TTC7A: variants seen among roughly 807,000 people sequenced by gnomAD.
The protein encoded by TTC7A is tetratricopeptide repeat protein 7A.
A neutral mutation model predicts 103.7 loss-of-function variants in TTC7A; 110 were observed. The ratio of observed to expected loss-of-function variants is 1.06; its 90% confidence interval spans 0.91 to 1.24. The LOEUF is 1.24. TTC7A is among the 50% of genes most tolerant of loss of function. TTC7A has a pLI of 0.00. For missense variants in TTC7A, 1,340 were observed against 1,116.3 expected (o/e 1.20, Z -2.86); for synonymous variants, 521 against 467.9 (o/e 1.11, Z -1.47).
rs10587096 is a variant in TTC7A at position 47,042,675 on chromosome 2, A to AGTGTGT, written c.1803-3617_1803-3612dup. ...TTAGGGTGGTGTGTCCTGAGCCCCAAGTGTGTGTGTGTGTGTGTGTGTGTG... is the reference window on the plus strand; with the variant it reads ...TTAGGGTGGTGTGTCCTGAGCCCCAAGTGTGTGTGTGTGTGTGTGTGTGTGTGTGTG... On this transcript the variant is annotated intron_variant, in intron 15 of 19. Coordinates refer to ENST00000319190, the MANE Select transcript of TTC7A (RefSeq NM_020458.4). 8.3e-4 allele frequency among the ~76,000 whole-genome samples: 123 copies of AGTGTGT among 148,482 alleles called. 1 individual carries two copies. The highest frequency in any genetic ancestry group is 2.9e-3 in the African/African-American group (116 of 40,148).
chr2:46,995,305 C>T (rs1215918853), intron 8 of TTC7A, 106 bp downstream of exon 8: 37 of 1,081,030 alleles, frequency 3.4e-5, no homozygotes, highest in Admixed American at 5.9e-5. Context: ...ACTCTGTCTC[C>T]CAGGGATACT....
At chr2:47,019,374 TA>T (rs1042935150) in intron 11 of TTC7A, among the ~76,000 whole-genome samples, 19 of 150,118 alleles carry the variant, frequency 1.3e-4, no homozygotes, top group South Asian at 2.1e-4. Flanking sequence ...TTTCTATTTT[TA>T]AAAAAAAAAA....
intron 15 of TTC7A, among the ~76,000 whole-genome samples, chr2:47,035,039 G>A (rs1680958227): frequency 6.6e-6 from 1 of 152,240 alleles, no homozygotes; most frequent in Non-Finnish European, 1.5e-5. Flanking sequence ...GCTAACGTTG[G>A]AGCTCAAGGG....
intron 3 of TTC7A, among the ~76,000 whole-genome samples, chr2:46,958,021 G>A (rs72806525): frequency 0.057 from 8,633 of 152,244 alleles, 263 homozygotes; most frequent in Non-Finnish European, 0.072. Flanking sequence ...GGTGGAGCCA[G>A]GATGAGAACC....
intron 8 of TTC7A, chr2:47,000,002 C>A: frequency 1.3e-6 from 1 of 747,268 alleles, no homozygotes; most frequent in Non-Finnish European, 1.6e-6. Flanking sequence ...ATCTGTGTGG[C>A]CTGGTTGAGC....
intron 15 of TTC7A, among the ~76,000 whole-genome samples, 176 bp downstream of exon 15, chr2:47,029,560 G>C (rs951897317): frequency 5.9e-5 from 9 of 152,218 alleles, no homozygotes; most frequent in African/African-American, 2.2e-4. Context: ...GCAGACAGCT[G>C]TGGTGCTCTG....
At chr2:46,927,884 G>GT (rs566447236) in intron 2 of TTC7A, among the ~76,000 whole-genome samples, 8,037 of 73,342 alleles carry the variant, frequency 0.11, 1,925 homozygotes, top group African/African-American at 0.18. Context: ...TTTTTTTGGT[G>GT]TTTTTTTTTT....
rs541491886 is a variant in TTC7A at position 46,925,359 on chromosome 2, A to G, written c.82+8082A>G. Among the ~76,000 whole-genome samples the G allele has an allele frequency of 2.4e-4, 37 of 152,250 alleles. 1 individual carries two copies. The highest frequency in any genetic ancestry group is 9.8e-4 in the Admixed American group (15 of 15,288). On this transcript the variant is annotated intron_variant, in intron 2 of 20. Transcript: ENST00000409245. ...GATCACTTGAGGTCAGGAGTTCGAG[A>G]CTAACCTAGCCAACATGGTGAAACC... is the stretch of plus-strand genomic sequence containing the variant.
intron 3 of TTC7A, among the ~76,000 whole-genome samples, chr2:46,974,127 A>T (rs1226140211): frequency 6.6e-6 from 1 of 152,238 alleles, no homozygotes; most frequent in Non-Finnish European, 1.5e-5. Flanking sequence ...CCACTTGCAG[A>T]GTCCAATTAA....
chr2:47,029,204 C>G lies in TTC7A; in HGVS notation c.1642-20C>G, dbSNP rs1458055948. The G allele has an allele frequency of 1.9e-6, 3 of 1,612,740 alleles. No individual in the cohort carries two copies. The highest frequency in any genetic ancestry group is 2.5e-6 in the Non-Finnish European group (3 of 1,179,510). On this transcript the variant is annotated intron_variant, in intron 14 of 19. Transcript: ENST00000319190. ...CAGCATGTGCCTGGGGAAGGCTAAC[C>G]TGGCGGGTTCCTTCAACAGATCTCC...
chr2:46,978,897 C>A lies in TTC7A; in HGVS notation c.754C>A (p.Leu252Met). The part of the protein sequence containing the change: ...AALQSAYVKN[L>M]KKGNIVKGMR... ...CCTCCAGAGCGCCTATGTGAAAAAC[C>A]TGAAGAAGGGGTAGGTCACTGGTAG... The change falls in exon 5 of 20, where the codon CTG (leucine) becomes ATG (methionine). Residue 252 changes from leucine (L) to methionine (M), a missense_variant. By Grantham distance (15) the Leu-to-Met change is conservative. Transcript: ENST00000319190. 1 of 1,613,380 alleles carries A rather than the reference C, an allele frequency of 6.2e-7. No individual in the cohort carries two copies. Among genetic ancestry groups the A allele is most frequent in the East Asian group, 2.2e-5 (1 of 44,872 alleles).
chr2:46,944,559 A>G (rs1572683168), intron 1 of TTC7A, among the ~76,000 whole-genome samples: 1 of 150,728 alleles, frequency 6.6e-6, no homozygotes, highest in Non-Finnish European at 1.5e-5. Flanking sequence ...TCTACCCCCT[A>G]CTCCCCTAAA....
chr2:47,029,497 C>A, intron 15 of TTC7A, 113 bp downstream of exon 15: 1 of 1,186,780 alleles, frequency 8.4e-7, no homozygotes, highest in East Asian at 2.4e-5. Context: ...AGTAAGCACC[C>A]GCTGCATGCA....
At chr2:47,023,889 G>A (rs889023512) in intron 13 of TTC7A, among the ~76,000 whole-genome samples, 3 of 43,824 alleles carry the variant, frequency 6.8e-5, no homozygotes, top group African/African-American at 2.6e-4. Flanking sequence ...ACCATCCCCA[G>A]CCCCTACAGG....
intron 16 of TTC7A, chr2:47,046,912 T>G (rs4953450): frequency 3.3e-5 from 8 of 245,656 alleles, no homozygotes; most frequent in Non-Finnish European, 6.2e-5. Flanking sequence ...CCTCATTCCA[T>G]TTGGAGGCTA....
At chr2:46,980,216 CTTTT>C (rs5830931) in intron 5 of TTC7A, among the ~76,000 whole-genome samples, 2 of 124,120 alleles carry the variant, frequency 1.6e-5, no homozygotes, top group African/African-American at 3.0e-5. Flanking sequence ...TACTCTCTCT[CTTTT>C]TTTTTTTTTT....
intron 1 of TTC7A, among the ~76,000 whole-genome samples, chr2:46,948,140 G>T (rs1462691285): frequency 6.6e-6 from 1 of 152,254 alleles, no homozygotes; most frequent in Non-Finnish European, 1.5e-5. Context: ...ACGGAGTCCT[G>T]CCAGTGCACA....
chr2:47,006,667 G>A lies in TTC7A; in HGVS notation c.1230G>A (p.Ala410=), dbSNP rs370371832. The A allele has an allele frequency of 1.8e-5, 29 of 1,614,072 alleles. No individual in the cohort carries two copies. In the South Asian group the frequency reaches 1.9e-4, roughly 10 times the overall value. The change falls in exon 10 of 20, where the codon GCG becomes GCA. Residue 410 remains alanine, a synonymous_variant. Transcript: ENST00000319190. ...GCCTGGAGCGAGCCATGAAGTTTGCGTTTGGAGAATTTCACCTTTGGTACC... is the reference window on the plus strand; with the variant it reads ...GCCTGGAGCGAGCCATGAAGTTTGCATTTGGAGAATTTCACCTTTGGTACC... ...SECLERAMKF[A]FGEFHLWYQV...
intron 2 of TTC7A, chr2:46,951,555 GTCTC>G (rs928648438): frequency 8.9e-6 from 4 of 451,690 alleles, no homozygotes; most frequent in South Asian, 1.6e-5. Context: ...CTTCCCCTCT[GTCTC>G]TCTCTTTCTT....
Sources: gnomAD v4.1 joint callset for allele counts (sites outside exome capture counted in the v4.1 genomes callset) on GRCh38, gnomAD v4.1.1 for gene constraint, MANE v1.5 for transcripts, NCBI Gene and HGNC (gene_info 2026-07-23, HGNC 2026-07-21) for gene names.